Variants in FKBP15 observed in about 807,000 individuals in gnomAD.
FKBP15 encodes FK506-binding protein 15.
FKBP15 carries 106 observed loss-of-function variants against 158.1 expected under a neutral mutation model. That is an observed-to-expected ratio of 0.67 (90% CI 0.57 to 0.79). The LOEUF is 0.79. Among genes scored for constraint, FKBP15 ranks in the 30% least tolerant of loss-of-function variants. The probability of loss-of-function intolerance (pLI) is 0.00; values close to 1 mark genes in which losing one functional copy is unlikely to be tolerated. For synonymous variants in FKBP15, 547 were observed against 548.6 expected (o/e 1.00, Z 0.04); for missense variants, 1,287 against 1,479.1 (o/e 0.87, Z 2.13).
chr9:113,208,909 G>A (rs574752621), intron 2 of FKBP15, among the ~76,000 whole-genome samples: 1 of 151,482 alleles, frequency 6.6e-6, no homozygotes, highest in South Asian at 2.1e-4. Context: ...GGGAGGCTGA[G>A]GCATGAGAAT....
rs573967941 is a variant in FKBP15 at position 113,211,496 on chromosome 9, G to T, written c.150C>A (p.Gly50=). 1.9e-6 allele frequency: 3 copies of T among 1,608,154 alleles called. No individual in the cohort carries two copies. The South Asian group carries it at 3.4e-5, about 18-fold the overall frequency. ...ACTTACCTGTTGCTGCCGTTCCCTG[G>T]CCTTTCTTAGGCTGTTTTGGGGCTG... ...QYTAPKQPKK[G]QGTAATGNQA... is the part of the protein sequence containing the mutation. Residue 50 remains glycine (G), a synonymous_variant, in exon 2 of 28, where the codon GGC becomes GGA. Transcript: ENST00000238256.
In FKBP15 at chr9:113,183,798, T is replaced by C. The variant is rs1040517961; in HGVS notation, c.1764A>G (p.Ile588Met). ...CACTAATCTTGTCATTCTGTTCTTC[T>C]ATCCGATTGCTCTTTTCAAGGATCT... ...KQEILEKSNRIEEQNDKISEL... is the reference protein window; with the variant it reads ...KQEILEKSNRMEEQNDKISEL... Residue 588 changes from isoleucine (I) to methionine (M), a missense_variant, in exon 18 of 28, where the codon ATA becomes ATG. Physicochemically the swap from Ile to Met is conservative, Grantham distance 10 (BLOSUM62 1). Coordinates refer to ENST00000238256, the MANE Select transcript of FKBP15 (RefSeq NM_015258.2). The C allele has an allele frequency of 6.2e-7, 1 of 1,613,752 alleles. No individual in the cohort carries two copies. Among genetic ancestry groups the C allele is most frequent in the Non-Finnish European group, 8.5e-7 (1 of 1,179,738 alleles).
At chr9:113,168,379 T>C in intron 27 of FKBP15, 81 bp downstream of exon 27, 3 of 1,231,512 alleles carry the variant, frequency 2.4e-6, no homozygotes, top group Admixed American at 1.8e-5. Flanking sequence ...ACCAACAGGC[T>C]CCATTTCTCT....
chr9:113,203,875 T>G (rs756491803), intron 4 of FKBP15, among the ~76,000 whole-genome samples: 4 of 152,172 alleles, frequency 2.6e-5, no homozygotes, highest in Non-Finnish European at 5.9e-5. Flanking sequence ...CAGAGTATAC[T>G]CTTTTGTCTT....
chr9:113,162,929 C>T lies in FKBP15; in HGVS notation c.*3149G>A, dbSNP rs766795862. 5 of 1,588,826 alleles carry T rather than the reference C, an allele frequency of 3.1e-6. No homozygotes were observed. Among genetic ancestry groups the T allele is most frequent in the East Asian group, 2.3e-5 (1 of 43,280 alleles). ...TCAGCACAGCTTAGCTGGTGAGGAACGTGCAGGCACTGAGGCTGGAGGGAC... is the reference window on the plus strand; with the variant it reads ...TCAGCACAGCTTAGCTGGTGAGGAATGTGCAGGCACTGAGGCTGGAGGGAC... On this transcript the variant is annotated 3_prime_UTR_variant, in exon 28 of 28. Coordinates refer to ENST00000238256, the MANE Select transcript of FKBP15 (RefSeq NM_015258.2).
Position 113,194,109 on chromosome 9 carries a change from C to A in FKBP15, c.925G>T (p.Ala309Ser). The change falls in exon 10 of 28, where the codon GCT (alanine) becomes TCT (serine). Residue 309 changes from alanine to serine, a missense_variant. Ala to Ser is a moderately conservative substitution (Grantham distance 99). Coordinates refer to ENST00000238256, the MANE Select transcript of FKBP15 (RefSeq NM_015258.2). ...GHSVSSRDSA[A>S]PSPIPGADNL... The stretch of plus-strand genomic sequence containing the variant: ...TCAGCACCAGGGATGGGAGACGGAG[C>A]TGCAGAATCGCGGGAACTAACACTG... 6.2e-7 allele frequency: 1 copy of A among 1,613,528 alleles called. No individual in the cohort carries two copies. Among genetic ancestry groups the A allele is most frequent in the Non-Finnish European group, 8.5e-7 (1 of 1,179,616 alleles).
At chr9:113,208,285 T>C (rs890943053) in intron 2 of FKBP15, among the ~76,000 whole-genome samples, 29 of 151,934 alleles carry the variant, frequency 1.9e-4, no homozygotes, top group African/African-American at 5.8e-4. Flanking sequence ...TGCAGTGAGC[T>C]GAGATCGCAC....
At position 113,190,559 on chromosome 9, in the gene FKBP15, G is replaced by A. The variant is rs772701390; in HGVS notation, c.1085C>T (p.Ala362Val). 24 of 1,610,562 alleles carry A rather than the reference G, an allele frequency of 1.5e-5. No individual in the cohort carries two copies. The highest frequency in any genetic ancestry group is 3.4e-5 in the Admixed American group (2 of 59,482). The change falls in exon 12 of 28, where the codon GCC becomes GTC. Residue 362 changes from alanine (A) to valine (V), a missense_variant. Physicochemically the swap from Ala to Val is moderately conservative, Grantham distance 64 (BLOSUM62 0). Transcript: ENST00000238256. Reference protein sequence around the residue: ...AINTSPDAVKAKLISRMAKMG... With the variant: ...AINTSPDAVKVKLISRMAKMG... Reference sequence around the variant, plus strand: ...TTTAGCCATCCGAGAGATCAACTTGGCTTTGACTGCATCGGGACTCTAAAA... The same window carrying A: ...TTTAGCCATCCGAGAGATCAACTTGACTTTGACTGCATCGGGACTCTAAAA...
rs899311097 is a variant in FKBP15, at chr9:113,162,548, T to C, written c.*3530A>G. The C allele has an allele frequency of 1.9e-5, 9 of 472,298 alleles. No individual in the cohort carries two copies. The highest frequency in any genetic ancestry group is 1.0e-4 in the African/African-American group (5 of 48,244). The allele number at this position is 472,298 out of a possible 1,614,324, so 29.3% of individuals were successfully genotyped here. ...CTTGAAACCAAATGTAGTGAAGATATGTCTCTTTAAAAATAAATCTCGAGT... is the reference window on the plus strand; with the variant it reads ...CTTGAAACCAAATGTAGTGAAGATACGTCTCTTTAAAAATAAATCTCGAGT... On this transcript the variant is annotated 3_prime_UTR_variant, in exon 28 of 28. Transcript: ENST00000238256.
At chr9:113,202,338 A>C (rs949207961) in intron 6 of FKBP15, among the ~76,000 whole-genome samples, 193 bp downstream of exon 6, 2 of 152,254 alleles carry the variant, frequency 1.3e-5, no homozygotes. Flanking sequence ...CTAAATTGTC[A>C]AGCAGTTTCA....
At chr9:113,194,711 T>C (rs1830638338) in intron 9 of FKBP15, among the ~76,000 whole-genome samples, 3 of 152,194 alleles carry the variant, frequency 2.0e-5, no homozygotes, top group South Asian at 4.1e-4. Context: ...CACTGACATA[T>C]TAACCTATTT....
rs1830251298 is a variant in FKBP15 at position 113,173,556 on chromosome 9, T to G, written c.2429A>C (p.Glu810Ala). 1.2e-6 allele frequency: 2 copies of G among 1,613,852 alleles called. No homozygotes were observed. Among genetic ancestry groups the G allele is most frequent in the African/African-American group, 2.7e-5 (2 of 74,922 alleles). The change falls in exon 23 of 28, where the codon GAA becomes GCA. Residue 810 changes from glutamate (E) to alanine (A), a missense_variant. By Grantham distance (107) the Glu-to-Ala change is moderately radical (BLOSUM62 -1). Coordinates refer to ENST00000238256, the MANE Select transcript of FKBP15 (RefSeq NM_015258.2). ...ATCCTTGGCGGAGGCCAACAAATGTTCACATTTTGCTTCCCACTGGGTCTG... is the reference window on the plus strand; with the variant it reads ...ATCCTTGGCGGAGGCCAACAAATGTGCACATTTTGCTTCCCACTGGGTCTG... Reference protein sequence around the residue: ...ELQTQWEAKCEHLLASAKDEH... With the variant: ...ELQTQWEAKCAHLLASAKDEH...
At chr9:113,221,085 T>TC in intron 1 of FKBP15, 106 bp downstream of exon 1, 4 of 1,234,542 alleles carry the variant, frequency 3.2e-6, no homozygotes, top group Non-Finnish European at 2.2e-6. Context: ...GGCAAGGGTC[T>TC]CCCCCCGGAA....
At chr9:113,190,173 G>T (rs991721826) in intron 12 of FKBP15, among the ~76,000 whole-genome samples, 2 of 152,192 alleles carry the variant, frequency 1.3e-5, no homozygotes, top group African/African-American at 4.8e-5. Flanking sequence ...TATGGATTGG[G>T]CATCATGCTG....
intron 20 of FKBP15, 104 bp from the exon 21 acceptor site, chr9:113,176,777 C>T (rs1432207143): frequency 1.6e-6 from 2 of 1,261,924 alleles, no homozygotes. Flanking sequence ...GAGACAAAGC[C>T]TTGCTCCATC....
At position 113,169,793 on chromosome 9, in the gene FKBP15, CA is replaced by C. The variant is rs1830172253; in HGVS notation, c.2915del (p.Leu972ArgfsTer49). 1.3e-6 allele frequency: 2 copies of C among 1,589,416 alleles called. No homozygotes were observed. Among genetic ancestry groups the C allele is most frequent in the Admixed American group, 3.6e-5 (2 of 55,764 alleles). The part of the protein sequence containing the change: ...SASSGQPQAP[L>X]NRERPESPMV... ...TGGGGGACTCTGGCCTCTCCCTATT[CA>C]GGGGTGCTTGAGGCTGCCCAGAACT... On this transcript the variant is annotated frameshift_variant, in exon 26 of 28. Transcript: ENST00000238256. LOFTEE classifies it high-confidence loss of function.
rs10981663 is a variant in FKBP15, at chr9:113,167,906, G to T, written c.3582+554C>A. Among the ~76,000 whole-genome samples, 102 of 152,060 alleles carry T rather than the reference G, an allele frequency of 6.7e-4. No individual in the cohort carries two copies. In the East Asian group the frequency reaches 0.017, roughly 25 times the overall value. The stretch of plus-strand genomic sequence containing the variant: ...TAATACTGAACCCATTTTGTGCCCA[G>T]GGATATTGTGATGACAAAACAAGGC... On this transcript the variant is annotated intron_variant, in intron 27 of 27. Transcript: ENST00000238256.
intron 25 of FKBP15, 105 bp from the exon 26 acceptor site, chr9:113,170,047 T>G (rs1199543446): frequency 7.1e-7 from 1 of 1,404,142 alleles, no homozygotes; most frequent in African/African-American, 1.4e-5. Flanking sequence ...TTTGCTTCTT[T>G]CCTGTTAAAA....
Position 113,168,461 on chromosome 9 carries a change from A to G in FKBP15, c.3581T>C (p.Val1194Ala), listed in dbSNP as rs757524285. 5.6e-6 allele frequency: 9 copies of G among 1,613,586 alleles called. No individual in the cohort carries two copies. The South Asian group carries it at 9.9e-5, about 18-fold the overall frequency. ...TGACAGTGCCTGGGATTTCCTTACC[A>G]CCTCGTCTTCATCCTCCTCCTCAGG... is the stretch of plus-strand genomic sequence containing the variant. The part of the protein sequence containing the change: ...AQPEEEDEDE[V>A]SMKGRPPPTP... The change falls in exon 27 of 28, where the codon GTG becomes GCG. Residue 1194 changes from valine to alanine, a missense_variant and splice_region_variant. By Grantham distance (64) the Val-to-Ala change is moderately conservative (BLOSUM62 0). Coordinates refer to ENST00000238256, the MANE Select transcript of FKBP15 (RefSeq NM_015258.2).
Sources: gnomAD v4.1 joint callset for allele counts (sites outside exome capture counted in the v4.1 genomes callset) on GRCh38, gnomAD v4.1.1 for gene constraint, MANE v1.5 for transcripts, NCBI Gene and HGNC (gene_info 2026-07-23, HGNC 2026-07-21) for gene names.